The following EPB41L4A variants were observed in gnomAD, a reference collection of about 807,000 sequenced individuals.
EPB41L4A encodes band 4.1-like protein 4A.
In EPB41L4A, 100 loss-of-function variants were observed where a neutral mutation model predicts 108.6. The observed-to-expected ratio is 0.92, with a 90% confidence interval of 0.78 to 1.09. EPB41L4A has a LOEUF of 1.09. Ranked by LOEUF, EPB41L4A falls within the 50% of genes least tolerant of loss-of-function variation. The pLI is 0.00. For synonymous variants in EPB41L4A, 319 were observed against 289.0 expected (o/e 1.10, Z -1.05); for missense variants, 1,030 against 842.7 (o/e 1.22, Z -2.75).
chr5:112,221,585 G>GT (rs989331036), intron 12 of EPB41L4A, among the ~76,000 whole-genome samples: 2 of 152,198 alleles, frequency 1.3e-5, no homozygotes, highest in Non-Finnish European at 2.9e-5. Context: ...TTGGAATTTA[G>GT]TAAGTGCTAA....
At position 112,312,257 on chromosome 5, in the gene EPB41L4A, A is replaced by C. The variant is rs963231340; in HGVS notation, c.100-4767T>G. Among the ~76,000 whole-genome samples the C allele has an allele frequency of 2.0e-5, 3 of 152,258 alleles. No homozygotes were observed. The East Asian group carries it at 5.8e-4, about 29-fold the overall frequency. On this transcript the variant is annotated intron_variant, in intron 1 of 22. Coordinates refer to ENST00000261486, the MANE Select transcript of EPB41L4A (RefSeq NM_022140.5). ...TTCATGCAGAGGAAGAAATCATCAA[A>C]TTTGAAAATTTTCCAAAATGATCAT...
chr5:112,220,843 G>A (rs1747993571), intron 12 of EPB41L4A, among the ~76,000 whole-genome samples: 1 of 152,104 alleles, frequency 6.6e-6, no homozygotes, highest in South Asian at 2.1e-4. Flanking sequence ...TACCCAGAGG[G>A]AGGGGATATC....
chr5:112,271,774 T>C (rs1419101303), intron 4 of EPB41L4A, among the ~76,000 whole-genome samples: 1 of 152,262 alleles, frequency 6.6e-6, no homozygotes, highest in South Asian at 2.1e-4. Context: ...TTATTCTGCA[T>C]AGACCATCAG....
At chr5:112,341,753 AACACAC>A (rs5870494) in intron 1 of EPB41L4A, among the ~76,000 whole-genome samples, 3 of 149,472 alleles carry the variant, frequency 2.0e-5, no homozygotes, top group Middle Eastern at 6.9e-3. Context: ...CACTATTTAA[AACACAC>A]ACACACACAC....
intron 2 of EPB41L4A, among the ~76,000 whole-genome samples, chr5:112,292,609 C>T (rs1348041774): frequency 6.6e-6 from 1 of 152,110 alleles, no homozygotes; most frequent in East Asian, 1.9e-4. Context: ...GCTTTTAGTA[C>T]ATGCAGCAAA....
At chr5:112,327,024 C>A (rs1233638361) in intron 1 of EPB41L4A, among the ~76,000 whole-genome samples, 1 of 152,166 alleles carries the variant, frequency 6.6e-6, no homozygotes, top group African/African-American at 2.4e-5. Flanking sequence ...CTAAATCTTA[C>A]AAACCTTACA....
intron 1 of EPB41L4A, among the ~76,000 whole-genome samples, chr5:112,344,091 G>A (rs190996654): frequency 6.6e-6 from 1 of 151,944 alleles, no homozygotes; most frequent in Admixed American, 6.6e-5. Context: ...TTTGATATTT[G>A]ATAATATTAT....
intron 9 of EPB41L4A, among the ~76,000 whole-genome samples, chr5:112,242,692 A>G (rs1006504637): frequency 6.6e-6 from 1 of 152,198 alleles, no homozygotes; most frequent in African/African-American, 2.4e-5. Flanking sequence ...TATCTATCGC[A>G]TCTATAGTTT....
At chr5:112,339,524 A>ATC (rs1561585529) in intron 1 of EPB41L4A, among the ~76,000 whole-genome samples, 2 of 58,100 alleles carry the variant, frequency 3.4e-5, no homozygotes, top group South Asian at 1.1e-3. Flanking sequence ...ATATAGATAT[A>ATC]TATCTATATA....
At chr5:112,243,421 G>A (rs1580513165) in intron 9 of EPB41L4A, among the ~76,000 whole-genome samples, 1 of 152,144 alleles carries the variant, frequency 6.6e-6, no homozygotes, top group South Asian at 2.1e-4. Flanking sequence ...TTTTCTGAAT[G>A]GTAAATGAAT....
rs768092717 is a variant in EPB41L4A, at chr5:112,234,631, T to C, written c.1087+3A>G. ...TAGATAACTCAGGGGAACCATGACTTACCAGCTGGCTGTGTTTGTGCTATT... is the reference window on the plus strand; with the variant it reads ...TAGATAACTCAGGGGAACCATGACTCACCAGCTGGCTGTGTTTGTGCTATT... On this transcript the variant is annotated splice_donor_region_variant and intron_variant, in intron 12 of 22. Transcript: ENST00000261486. 4.3e-6 allele frequency: 7 copies of C among 1,612,470 alleles called. No homozygotes were observed. In the East Asian group the frequency reaches 1.6e-4, roughly 36 times the overall value.
chr5:112,144,735 C>T (rs1759186683), intron 13 of EPB41L4A, among the ~76,000 whole-genome samples: 1 of 152,170 alleles, frequency 6.6e-6, no homozygotes, highest in African/African-American at 2.4e-5. Context: ...GTAGCAATGA[C>T]ATCCCAGGTG....
intron 6 of EPB41L4A, among the ~76,000 whole-genome samples, chr5:112,263,048 G>C (rs1410754589): frequency 6.6e-6 from 1 of 152,224 alleles, no homozygotes; most frequent in African/African-American, 2.4e-5. Flanking sequence ...CTGACCACAT[G>C]TGTAGTTTGA....
At chr5:112,404,182 T>C (rs1167987998) in intron 1 of EPB41L4A, among the ~76,000 whole-genome samples, 1 of 152,240 alleles carries the variant, frequency 6.6e-6, no homozygotes, top group Non-Finnish European at 1.5e-5. Flanking sequence ...TCATCTCTCA[T>C]GAGGCATGGC....
intron 1 of EPB41L4A, among the ~76,000 whole-genome samples, chr5:112,376,096 C>T (rs1759802056): frequency 6.6e-6 from 1 of 152,152 alleles, no homozygotes; most frequent in Non-Finnish European, 1.5e-5. Context: ...AAAAGACAAG[C>T]TACTCAGAGA....
At chr5:112,303,083 T>C (rs1159247691) in intron 2 of EPB41L4A, among the ~76,000 whole-genome samples, 1 of 152,214 alleles carries the variant, frequency 6.6e-6, no homozygotes, top group Non-Finnish European at 1.5e-5. Flanking sequence ...GTAAGTTTCA[T>C]TCTGTAATAA....
At chr5:112,265,327 A>G (rs1295207058) in intron 5 of EPB41L4A, among the ~76,000 whole-genome samples, 1 of 152,248 alleles carries the variant, frequency 6.6e-6, no homozygotes, top group East Asian at 1.9e-4. Context: ...TTTCAAGTAC[A>G]AACATTAGAA....
intron 1 of EPB41L4A, among the ~76,000 whole-genome samples, chr5:112,339,470 ATATC>A (rs1293969218): frequency 4.4e-5 from 2 of 45,420 alleles, no homozygotes; most frequent in Admixed American, 3.1e-4. Context: ...AGATATATAT[ATATC>A]TATATATATA....
chr5:112,391,827 G>C (rs1052946784), intron 1 of EPB41L4A, among the ~76,000 whole-genome samples: 1 of 152,162 alleles, frequency 6.6e-6, no homozygotes, highest in South Asian at 2.1e-4. Context: ...GGCAGTCAGA[G>C]AGAAAGGTCG....
Sources: gnomAD v4.1 joint callset for allele counts (sites outside exome capture counted in the v4.1 genomes callset) on GRCh38, gnomAD v4.1.1 for gene constraint, MANE v1.5 for transcripts, NCBI Gene and HGNC (gene_info 2026-07-23, HGNC 2026-07-21) for gene names.